The following VAT1L variants were observed in gnomAD, a reference collection of about 807,000 sequenced individuals.
VAT1L encodes vesicle amine transport 1 like, also known as putative NADPH-dependent quinone oxidoreductase VAT1L.
In VAT1L, 34 loss-of-function variants were observed where a neutral mutation model predicts 44.1. The ratio of observed to expected loss-of-function variants is 0.77; its 90% confidence interval spans 0.59 to 1.03. The LOEUF (loss-of-function observed/expected upper bound fraction) is 1.03, where lower values mean the gene tolerates loss of function less well. VAT1L is among the 50% of genes least tolerant of loss of function. VAT1L has a pLI of 0.00. For missense variants in VAT1L, 615 were observed against 538.8 expected (o/e 1.14, Z -1.40); for synonymous variants, 253 against 202.2 (o/e 1.25, Z -2.13).
intron 7 of VAT1L, among the ~76,000 whole-genome samples, chr16:77,920,919 T>A (rs79765123): frequency 0.096 from 12,487 of 130,706 alleles, 645 homozygotes; most frequent in South Asian, 0.23. Context: ...TCATTAGGTG[T>A]CATATGACTG....
At chr16:77,956,510 G>A (rs1207874795) in intron 7 of VAT1L, among the ~76,000 whole-genome samples, 1 of 152,158 alleles carries the variant, frequency 6.6e-6, no homozygotes, top group Non-Finnish European at 1.5e-5. Context: ...ATGAGCAACG[G>A]CCTCCACCAC....
At chr16:77,918,672 T>G (rs893793414) in intron 7 of VAT1L, among the ~76,000 whole-genome samples, 2 of 152,154 alleles carry the variant, frequency 1.3e-5, no homozygotes, top group Non-Finnish European at 2.9e-5. Context: ...AATATCCAGC[T>G]TCATCCCGGA....
chr16:77,935,650 G>C (rs2017786457), intron 7 of VAT1L, among the ~76,000 whole-genome samples: 1 of 152,004 alleles, frequency 6.6e-6, no homozygotes, highest in Non-Finnish European at 1.5e-5. Flanking sequence ...GAGAGAAGGG[G>C]AAAATGTGGG....
chr16:77,972,040 C>G (rs1249066401), intron 8 of VAT1L, 107 bp downstream of exon 8: 6 of 1,020,028 alleles, frequency 5.9e-6, no homozygotes, highest in Non-Finnish European at 8.7e-6. Context: ...AGCCTGTGGG[C>G]TAGTGGAGGA....
intron 7 of VAT1L, among the ~76,000 whole-genome samples, chr16:77,957,037 A>G (rs567103425): frequency 1.3e-5 from 2 of 152,290 alleles, no homozygotes; most frequent in East Asian, 3.9e-4. Context: ...TATTAAAGTA[A>G]TTGTGGATTT....
intron 7 of VAT1L, among the ~76,000 whole-genome samples, chr16:77,965,729 C>G (rs2018216076): frequency 1.3e-5 from 2 of 152,318 alleles, no homozygotes; most frequent in African/African-American, 4.8e-5. Context: ...GATAGCTGCC[C>G]AGGCCAGGGG....
intron 3 of VAT1L, among the ~76,000 whole-genome samples, chr16:77,840,663 T>A (rs572483434): frequency 1.5e-3 from 223 of 152,256 alleles, no homozygotes; most frequent in Non-Finnish European, 2.3e-3. Flanking sequence ...CACAGCAACT[T>A]AGTGATGAAT....
chr16:77,792,999 T>TG (rs2015861941), intron 1 of VAT1L, among the ~76,000 whole-genome samples: 1 of 152,218 alleles, frequency 6.6e-6, no homozygotes, highest in African/African-American at 2.4e-5. Flanking sequence ...TTATTCAAAC[T>TG]GGAACTCTTG....
At chr16:77,847,968 C>T (rs1790958503) in intron 3 of VAT1L, among the ~76,000 whole-genome samples, 1 of 152,184 alleles carries the variant, frequency 6.6e-6, no homozygotes, top group Non-Finnish European at 1.5e-5. Flanking sequence ...TATCACCTTC[C>T]AGGCCACCGT....
At chr16:77,813,264 C>A (rs2016295791) in intron 1 of VAT1L, among the ~76,000 whole-genome samples, 1 of 151,970 alleles carries the variant, frequency 6.6e-6, no homozygotes, top group African/African-American at 2.4e-5. Flanking sequence ...GGGTAAATAA[C>A]TTATTATCTC....
At chr16:77,953,447 A>G (rs914742936) in intron 7 of VAT1L, among the ~76,000 whole-genome samples, 3 of 152,206 alleles carry the variant, frequency 2.0e-5, no homozygotes, top group Admixed American at 6.5e-5. Flanking sequence ...TATGCAAACA[A>G]TTGTTTACTT....
chr16:77,938,877 A>C lies in VAT1L; in HGVS notation c.1078-32973A>C, dbSNP rs1160737894. On this transcript the variant is annotated intron_variant, in intron 7 of 8. Coordinates refer to ENST00000302536, the MANE Select transcript of VAT1L (RefSeq NM_020927.3). ...ATCATTTTTTACTTTATATTAAAAG[A>C]TCATCATTGCTTTTTCTAAAGAAGA... is the stretch of plus-strand genomic sequence containing the variant. Among the ~76,000 whole-genome samples the C allele has an allele frequency of 2.7e-5, 4 of 149,818 alleles. No homozygotes were observed. The South Asian group carries it at 6.4e-4, about 24-fold the overall frequency.
chr16:77,955,351 C>G (rs2018091085), intron 7 of VAT1L, among the ~76,000 whole-genome samples: 1 of 152,180 alleles, frequency 6.6e-6, no homozygotes, highest in Non-Finnish European at 1.5e-5. Context: ...GACGAACATC[C>G]TGCAGTGCCC....
At chr16:77,874,578 C>G (rs2017067682) in intron 4 of VAT1L, among the ~76,000 whole-genome samples, 3 of 152,106 alleles carry the variant, frequency 2.0e-5, no homozygotes, top group Admixed American at 2.0e-4. Flanking sequence ...GGACACTATT[C>G]CCTTCACTCT....
intron 7 of VAT1L, among the ~76,000 whole-genome samples, chr16:77,958,921 A>C (rs139873847): frequency 2.3e-3 from 353 of 152,322 alleles, no homozygotes; most frequent in African/African-American, 8.2e-3. Flanking sequence ...GTTGCCAAGT[A>C]GGTACTTCCT....
At chr16:77,820,205 C>G (rs748580310) in intron 2 of VAT1L, among the ~76,000 whole-genome samples, 2 of 152,126 alleles carry the variant, frequency 1.3e-5, no homozygotes, top group Non-Finnish European at 2.9e-5. Flanking sequence ...GACTCCCGCA[C>G]CTGGTCAGAT....
chr16:77,954,112 A>T (rs1172622333), intron 7 of VAT1L, among the ~76,000 whole-genome samples: 1 of 152,178 alleles, frequency 6.6e-6, no homozygotes, highest in Non-Finnish European at 1.5e-5. Flanking sequence ...CATGGAGACA[A>T]TGAATAGGTA....
intron 7 of VAT1L, among the ~76,000 whole-genome samples, chr16:77,910,875 A>G (rs370329665): frequency 4.6e-5 from 7 of 152,182 alleles, no homozygotes; most frequent in African/African-American, 1.7e-4. Context: ...TTCTAAGAGC[A>G]TTACGACAGT....
chr16:77,925,994 G>C (rs1468784804), intron 7 of VAT1L, among the ~76,000 whole-genome samples: 2 of 152,090 alleles, frequency 1.3e-5, no homozygotes, highest in East Asian at 1.9e-4. Flanking sequence ...CGGGTGCGGT[G>C]GCTCATACCT....
Sources: allele counts gnomAD v4.1 joint callset (sites outside exome capture counted in the v4.1 genomes callset), GRCh38; gene constraint gnomAD v4.1.1; transcripts MANE v1.5; gene names NCBI Gene and HGNC (gene_info 2026-07-23, HGNC 2026-07-21).